The following ABCC4 variants were observed in gnomAD, a reference collection of about 807,000 sequenced individuals.
ABCC4 encodes the protein ATP binding cassette subfamily C member 4 (PEL blood group).
Under a neutral mutation model 168.5 loss-of-function variants are expected in ABCC4, and 102 were observed. The ratio of observed to expected loss-of-function variants is 0.61; its 90% CI spans 0.52 to 0.71. The LOEUF (loss-of-function observed/expected upper bound fraction) is 0.71. Ranked by LOEUF, ABCC4 falls within the 30% of genes least tolerant of loss-of-function variation. The pLI, the probability that ABCC4 is intolerant of heterozygous loss-of-function variation, is 0.00. For synonymous variants in ABCC4, 617 were observed against 590.7 expected, an observed-to-expected ratio of 1.04 and a Z score of -0.65; for missense variants, 1,402 against 1,605.8, an observed-to-expected ratio of 0.87 and a Z score of 2.17.
chr13:95,094,476 A>T (rs2034527868), intron 20 of ABCC4, among the ~76,000 whole-genome samples: 1 of 152,202 alleles, frequency 6.6e-6, no homozygotes. Flanking sequence ...ATGTAGGAGA[A>T]TGAAACTGGA....
intron 1 of ABCC4, among the ~76,000 whole-genome samples, chr13:95,275,278 A>G (rs558139597): frequency 1.9e-3 from 286 of 152,330 alleles, no homozygotes; most frequent in Non-Finnish European, 3.3e-3. Flanking sequence ...AATCACCATG[A>G]AAGTGGTGGA....
intron 1 of ABCC4, among the ~76,000 whole-genome samples, chr13:95,280,837 T>C (rs1388814765): frequency 1.3e-5 from 2 of 152,186 alleles, no homozygotes; most frequent in East Asian, 3.9e-4. Flanking sequence ...ATGACCAAAA[T>C]CCACTCGAGA....
intron 11 of ABCC4, among the ~76,000 whole-genome samples, chr13:95,181,094 G>C (rs1313590526): frequency 1.3e-5 from 2 of 152,216 alleles, no homozygotes; most frequent in African/African-American, 4.8e-5. Context: ...ATGCACGTTA[G>C]GTACCACTCA....
At chr13:95,078,342 G>A (rs781054378) in intron 21 of ABCC4, among the ~76,000 whole-genome samples, 2 of 152,178 alleles carry the variant, frequency 1.3e-5, no homozygotes, top group Non-Finnish European at 2.9e-5. Context: ...AACTCGGGAG[G>A]TGGAAGTTGC....
intron 1 of ABCC4, among the ~76,000 whole-genome samples, chr13:95,253,945 T>A (rs1275351579): frequency 1.3e-5 from 2 of 152,066 alleles, no homozygotes; most frequent in African/African-American, 4.8e-5. Context: ...CAGGCTGGAG[T>A]GCAGTGGCGC....
At chr13:95,173,614 G>C (rs555232726) in intron 13 of ABCC4, among the ~76,000 whole-genome samples, 92 of 152,312 alleles carry the variant, frequency 6.0e-4, no homozygotes, top group South Asian at 1.2e-3. Context: ...GGGTTGGAAA[G>C]GTGAATGGGG....
At chr13:95,106,588 T>C (rs933532762) in intron 20 of ABCC4, among the ~76,000 whole-genome samples, 2 of 151,750 alleles carry the variant, frequency 1.3e-5, no homozygotes, top group Admixed American at 6.6e-5. Flanking sequence ...AGTGAGATGG[T>C]CACCTTCTTG....
intron 4 of ABCC4, among the ~76,000 whole-genome samples, chr13:95,230,200 G>T (rs529368602): frequency 3.3e-5 from 5 of 152,290 alleles, no homozygotes; most frequent in Admixed American, 6.5e-5. Flanking sequence ...GGTAAAAGTT[G>T]TAAGAAATAA....
At position 95,286,123 on chromosome 13, in the gene ABCC4, C is replaced by CTTTTTTTTTTTTTTTTTTTT. The variant is rs773328777; in HGVS notation, c.74+15117_74+15118insAAAAAAAAAAAAAAAAAAAA. 4.5e-4 allele frequency among the ~76,000 whole-genome samples: 48 copies of CTTTTTTTTTTTTTTTTTTTT among 105,548 alleles called. 5 individuals are homozygous for CTTTTTTTTTTTTTTTTTTTT. The highest frequency in any genetic ancestry group is 6.6e-4 in the East Asian group (2 of 3,052). 69.2% of individuals were successfully genotyped at this position (105,548 alleles called of 152,430 possible). Reference sequence around the variant, plus strand: ...GCTGTGAAACTGCTTTCCAGAAAAACTTTTTTTTTTTTTTGAGACGGAGTC... The same window carrying CTTTTTTTTTTTTTTTTTTTT: ...GCTGTGAAACTGCTTTCCAGAAAAACTTTTTTTTTTTTTTTTTTTTTTTTTTTTTTTTTTGAGACGGAGTC... On this transcript the variant is annotated intron_variant, in intron 1 of 30. Coordinates refer to ENST00000645237, the MANE Select transcript of ABCC4 (RefSeq NM_005845.5).
At position 95,163,195 on chromosome 13, in the gene ABCC4, T is replaced by A. The variant is rs1324628352; in HGVS notation, c.2235A>T (p.Leu745=). The stretch of plus-strand genomic sequence containing the variant: ...TTCCTCCTCCATTTACAGTGACATT[T>A]AGCATACTTTGTTTGTTTGCCCTAT... ...LSYWANKQSM[L]NVTVNGGGNV... Residue 745 remains leucine (L), a synonymous_variant, in exon 18 of 31, where the codon CTA becomes CTT. Coordinates refer to ENST00000645237, the MANE Select transcript of ABCC4 (RefSeq NM_005845.5). The A allele has an allele frequency of 6.2e-7, 1 of 1,612,918 alleles. No individual in the cohort carries two copies. Among genetic ancestry groups the A allele is most frequent in the Non-Finnish European group, 8.5e-7 (1 of 1,179,194 alleles).
chr13:95,280,374 G>C (rs1047016762), intron 1 of ABCC4, among the ~76,000 whole-genome samples: 2 of 141,418 alleles, frequency 1.4e-5, no homozygotes, highest in Non-Finnish European at 3.0e-5. Context: ...CCAAGATCAT[G>C]ACACTGCACT....
chr13:95,036,899 C>T (rs568078847), intron 29 of ABCC4, among the ~76,000 whole-genome samples: 8 of 152,054 alleles, frequency 5.3e-5, no homozygotes, highest in Non-Finnish European at 1.2e-4. Flanking sequence ...GCCTGGCCAA[C>T]ATGACAAAAC....
chr13:95,178,124 G>A (rs2139596894), intron 11 of ABCC4, 33 bp from the exon 12 acceptor site: 1 of 1,582,786 alleles, frequency 6.3e-7, no homozygotes. Flanking sequence ...GGGGGAAAAA[G>A]AGACTTAAAA....
rs1013165404 is a variant in ABCC4, at chr13:95,286,190, G to A, written c.74+15051C>T. Among the ~76,000 whole-genome samples the A allele has an allele frequency of 6.9e-5, 10 of 145,700 alleles. 1 individual carries two copies. In the South Asian group the frequency reaches 2.0e-3, roughly 29 times the overall value. On this transcript the variant is annotated intron_variant, in intron 1 of 30. Coordinates refer to ENST00000645237, the MANE Select transcript of ABCC4 (RefSeq NM_005845.5). ...GCTGGAGTGCAGTGGCACAATTTCG[G>A]CTCACTGCAACCTCCGCCTCCCAGG...
At position 95,163,103 on chromosome 13, in the gene ABCC4, C is replaced by G; in HGVS notation, c.2308+19G>C. On this transcript the variant is annotated intron_variant, in intron 18 of 30. Coordinates refer to ENST00000645237, the MANE Select transcript of ABCC4 (RefSeq NM_005845.5). ...GCACCTCAGCCTCTCATACAATACA[C>G]CAAATGATTAAACTTTACCTGAATA... The G allele has an allele frequency of 6.4e-7, 1 of 1,573,284 alleles. No homozygotes were observed. The highest frequency in any genetic ancestry group is 8.7e-7 in the Non-Finnish European group (1 of 1,143,342).
intron 1 of ABCC4, among the ~76,000 whole-genome samples, chr13:95,266,827 C>CT (rs35329015): frequency 0.37 from 47,890 of 130,592 alleles, 10,546 homozygotes; most frequent in African/African-American, 0.63. Flanking sequence ...ACTCAAATCT[C>CT]TTTTTTTTTT....
intron 27 of ABCC4, among the ~76,000 whole-genome samples, chr13:95,047,981 T>C (rs1450499275): frequency 4.6e-5 from 7 of 152,326 alleles, no homozygotes; most frequent in Middle Eastern, 3.4e-3. Context: ...ACAATGCCTA[T>C]GTAAAAACCT....
chr13:95,035,579 C>T (rs1401676339), intron 29 of ABCC4, among the ~76,000 whole-genome samples: 7 of 152,206 alleles, frequency 4.6e-5, no homozygotes, highest in Admixed American at 4.6e-4. Context: ...TTCCCAATCA[C>T]CTTTCTTTGC....
chr13:95,078,582 GGATGT>G (rs1186896886), intron 21 of ABCC4, among the ~76,000 whole-genome samples: 1 of 152,314 alleles, frequency 6.6e-6, no homozygotes, highest in East Asian at 1.9e-4. Flanking sequence ...GAGAAAGGCT[GGATGT>G]TCTGCACAGG....
Sources: gnomAD v4.1 joint callset for allele counts (sites outside exome capture counted in the v4.1 genomes callset) on GRCh38, gnomAD v4.1.1 for gene constraint, MANE v1.5 for transcripts, NCBI Gene and HGNC (gene_info 2026-07-23, HGNC 2026-07-21) for gene names.